NBPF20: variants seen among roughly 807,000 people sequenced by gnomAD.
NBPF20 encodes the protein NBPF member 20.
NBPF20 carries 90 observed loss-of-function variants against 68.1 expected under a neutral mutation model. The ratio of observed to expected loss-of-function variants is 1.32; its 90% CI spans 1.11 to 1.58. NBPF20 has a LOEUF of 1.58. Ranked by LOEUF, NBPF20 falls within the 40% of genes most tolerant of loss-of-function variation. The pLI is 0.00. For synonymous variants in NBPF20, 290 were observed against 228.1 expected (o/e 1.27, Z -2.45); for missense variants, 816 against 601.2 (o/e 1.36, Z -3.74).
At chr1:145,406,295 G>T (rs1662786280), upstream of NBPF20, among the ~76,000 whole-genome samples, 1 of 150,824 alleles carries the variant, frequency 6.6e-6, no homozygotes, top group Non-Finnish European at 1.5e-5. Context: ...TTTTTCCCTT[G>T]TTTCATTTTG....
intron 133 of NBPF20, chr1:145,295,247 G>A: frequency 1.8e-6 from 1 of 543,314 alleles, no homozygotes; most frequent in South Asian, 2.0e-5. Context: ...AGGACACTCT[G>A]AGTTAGTGCC....
In NBPF20 at chr1:145,395,590, T is replaced by A. The variant is rs1205795146; in HGVS notation, c.828-449A>T. 2.1e-4 allele frequency among the ~76,000 whole-genome samples: 32 copies of A among 150,032 alleles called. 1 individual carries two copies. The highest frequency in any genetic ancestry group is 3.4e-3 in the Middle Eastern group (1 of 294). On this transcript the variant is annotated intron_variant, in intron 7 of 137. Transcript: ENST00000369373. ...ATAATATATTTACTTTTTCAATTTC[T>A]TTTCTTGCAAAAATACTAGCCAACA...
chr1:145,309,307 C>A, intron 115 of NBPF20, 59 bp from the exon 121 acceptor site: 1 of 17,092 alleles, frequency 5.9e-5, no homozygotes, highest in Non-Finnish European at 1.1e-4. Flanking sequence ...AACAGAGCCC[C>A]AACTAGGTTT....
rs1662153264 is a variant in NBPF20, at chr1:145,394,979, G to A, written c.990C>T (p.Gly330=). The A allele has an allele frequency of 5.6e-6, 9 of 1,611,878 alleles. No individual in the cohort carries two copies. In the South Asian group the frequency reaches 6.6e-5, roughly 12 times the overall value. The change falls in exon 8 of 138, where the codon GGC becomes GGT. Residue 330 remains glycine, a splice_region_variant and synonymous_variant. Transcript: ENST00000369373. ...TCACCTTCACAGTGTAGTACTCACT[G>A]CCTATGTCAACAGCCATGCAGACTT...
the NBPF20 span, among the ~76,000 whole-genome samples, chr1:145,425,595 G>C: frequency 1.3e-5 from 2 of 152,220 alleles, no homozygotes; most frequent in African/African-American, 4.8e-5. Flanking sequence ...GGGTCTCGCC[G>C]GGCGCGTCAA....
At chr1:145,409,375 G>C (rs1662920582), upstream of NBPF20, among the ~76,000 whole-genome samples, 1 of 148,206 alleles carries the variant, frequency 6.7e-6, no homozygotes, top group East Asian at 2.0e-4. Flanking sequence ...CACTAACACA[G>C]GCCTCCCTAA....
chr1:145,414,903 GGGC>G, the NBPF20 span, among the ~76,000 whole-genome samples: 1 of 151,224 alleles, frequency 6.6e-6, no homozygotes, highest in South Asian at 2.1e-4. Context: ...CCACACCTGT[GGGC>G]GTTTCTCATT....
intron 2 of NBPF20, among the ~76,000 whole-genome samples, chr1:145,404,836 A>G (rs1274474152): frequency 6.6e-6 from 1 of 150,770 alleles, no homozygotes; most frequent in Non-Finnish European, 1.5e-5. Context: ...CCTCTTGGAG[A>G]AAACAGGTCG....
intron 79 of NBPF20, among the ~76,000 whole-genome samples, chr1:145,338,058 G>C (rs1661589074): frequency 2.5e-5 from 2 of 80,386 alleles, no homozygotes; most frequent in African/African-American, 9.6e-5. Flanking sequence ...CACACAGAGA[G>C]AGAGAGAACG....
At chr1:145,394,119 T>G (rs1571361794) in intron 8 of NBPF20, among the ~76,000 whole-genome samples, 184 bp from the exon 14 acceptor site, 1 of 152,096 alleles carries the variant, frequency 6.6e-6, no homozygotes, top group Non-Finnish European at 1.5e-5. Flanking sequence ...GGTTCTTTCA[T>G]GAGCCTTGGG....
intron 137 of NBPF20, 113 bp downstream of exon 142, chr1:145,292,268 G>A (rs1245099500): frequency 1.2e-4 from 72 of 616,060 alleles, no homozygotes; most frequent in South Asian, 1.2e-3. Flanking sequence ...AATGACAGTA[G>A]GAGTAATTCA....
chr1:145,394,088 A>G (rs1662091296), intron 8 of NBPF20, among the ~76,000 whole-genome samples, 153 bp from the exon 14 acceptor site: 1 of 152,030 alleles, frequency 6.6e-6, no homozygotes, highest in African/African-American at 2.4e-5. Flanking sequence ...CCTGAGGTCA[A>G]GTCTTGAGAA....
At chr1:145,399,889 G>C (rs1311868333) in intron 6 of NBPF20, among the ~76,000 whole-genome samples, 119 of 150,466 alleles carry the variant, frequency 7.9e-4, no homozygotes, top group Admixed American at 1.6e-3. Flanking sequence ...AAATATATCA[G>C]CAAAGTAAAG....
intron 7 of NBPF20, among the ~76,000 whole-genome samples, chr1:145,398,639 T>C (rs1449753518): frequency 1.3e-5 from 2 of 151,844 alleles, no homozygotes; most frequent in African/African-American, 2.4e-5. Context: ...AGATCTAAAA[T>C]TGACACCCTA....
exon 4 of NBPF20, chr1:145,402,319 C>T (rs1182364690): frequency 3.2e-5 from 51 of 1,610,008 alleles, no homozygotes; most frequent in African/African-American, 5.3e-5. Flanking sequence ...TCTCCCTTCC[C>T]GCAACTTCTC....
the NBPF20 span, among the ~76,000 whole-genome samples, chr1:145,422,379 A>T: frequency 6.8e-6 from 1 of 147,766 alleles, no homozygotes; most frequent in Non-Finnish European, 1.5e-5. Flanking sequence ...TGCCCAACAC[A>T]TCTGAATTAC....
chr1:145,401,129 T>G, exon 5 of NBPF20: 1 of 1,604,776 alleles, frequency 6.2e-7, no homozygotes, highest in Non-Finnish European at 8.5e-7. Flanking sequence ...TCGTTGTCAT[T>G]TTCTGTAAAT....
upstream of NBPF20, chr1:145,405,648 A>G: frequency 1.7e-6 from 1 of 573,216 alleles, no homozygotes; most frequent in African/African-American, 2.1e-5. Flanking sequence ...GGCTTTGCTG[A>G]AACACAGGCA....
chr1:145,410,830 A>ACACACACATATATATACGTATATG, the NBPF20 span, among the ~76,000 whole-genome samples: 1 of 139,956 alleles, frequency 7.1e-6, no homozygotes, highest in South Asian at 2.2e-4. Context: ...ATATATATAT[A>ACACACACATATATATACGTATATG]TATATATTCC....
Sources: allele counts gnomAD v4.1 joint callset (sites outside exome capture counted in the v4.1 genomes callset), GRCh38; gene constraint gnomAD v4.1.1; transcripts MANE v1.5; gene names NCBI Gene and HGNC (gene_info 2026-07-23, HGNC 2026-07-21).